Variants in SORT1 observed in about 807,000 individuals in gnomAD.
SORT1 encodes sortilin.
Under a neutral mutation model 101.7 loss-of-function variants are expected in SORT1, and 39 were observed. That is an observed-to-expected ratio of 0.38 (90% confidence interval 0.30 to 0.50). The LOEUF (loss-of-function observed/expected upper bound fraction) is 0.50, where lower values mean the gene tolerates loss of function less well. Ranked by LOEUF, SORT1 falls within the 20% of genes least tolerant of loss-of-function variation. The pLI is 0.90. For missense variants in SORT1, 878 were observed against 1,040.4 expected, an observed-to-expected ratio of 0.84 and a Z score of 2.15; for synonymous variants, 396 against 393.7, an observed-to-expected ratio of 1.01 and a Z score of -0.07.
chr1:109,396,672 C>T (rs940043536), intron 1 of SORT1, among the ~76,000 whole-genome samples: 2 of 152,198 alleles, frequency 1.3e-5, no homozygotes, highest in African/African-American at 4.8e-5. Flanking sequence ...CCTTGGCCAC[C>T]CATCTCTGCC....
Position 109,345,828 on chromosome 1 carries a change from A to T in SORT1, c.886T>A (p.Phe296Ile). 2 of 1,613,712 alleles carry T rather than the reference A, an allele frequency of 1.2e-6. No individual in the cohort carries two copies. The change falls in exon 8 of 20, where the codon TTC becomes ATC. Residue 296 changes from phenylalanine (F) to isoleucine (I), a missense_variant. Phe to Ile is a conservative substitution (Grantham distance 21). Transcript: ENST00000256637. ...TAGATTTTCACACCAATAGTTTTGA[A>T]GCTTTTTCCCAAGTCTGAAGTTCTC... ...LWRTSDLGKS[F>I]KTIGVKIYSF...
chr1:109,337,321 A>G (rs998459347), intron 10 of SORT1, among the ~76,000 whole-genome samples: 3 of 152,048 alleles, frequency 2.0e-5, no homozygotes, highest in Non-Finnish European at 4.4e-5. Flanking sequence ...ATCTCAGCTC[A>G]CTGCAACCTC....
chr1:109,354,338 G>C, intron 5 of SORT1, 29 bp downstream of exon 5: 1 of 1,591,130 alleles, frequency 6.3e-7, no homozygotes, highest in Non-Finnish European at 8.6e-7. Flanking sequence ...AAATGCAAAA[G>C]GCAAACCATG....
In SORT1 at chr1:109,334,078, G is replaced by A. The variant is rs549876281; in HGVS notation, c.1371+2162C>T. Among the ~76,000 whole-genome samples the A allele has an allele frequency of 5.3e-5, 8 of 152,194 alleles. No individual in the cohort carries two copies. In the East Asian group the frequency reaches 5.8e-4, roughly 11 times the overall value. On this transcript the variant is annotated intron_variant, in intron 11 of 19. Coordinates refer to ENST00000256637, the MANE Select transcript of SORT1 (RefSeq NM_002959.7). ...GGAGAATCACCTGAACCCGGGAGGC[G>A]GAGGTTGAAGTGAGCCAAGATCGTG...
intron 15 of SORT1, among the ~76,000 whole-genome samples, chr1:109,319,890 A>G (rs905670678): frequency 1.3e-5 from 2 of 151,946 alleles, no homozygotes; most frequent in Non-Finnish European, 2.9e-5. Context: ...AGAAAAGAAA[A>G]GAAAATGAGT....
chr1:109,396,030 G>A (rs1653160991), intron 1 of SORT1, among the ~76,000 whole-genome samples: 1 of 152,052 alleles, frequency 6.6e-6, no homozygotes, highest in Non-Finnish European at 1.5e-5. Flanking sequence ...GCTGCAGTGA[G>A]CTGTGATCAC....
chr1:109,345,722 G>A, intron 8 of SORT1, 29 bp downstream of exon 8: 1 of 1,581,362 alleles, frequency 6.3e-7, no homozygotes, highest in Non-Finnish European at 8.6e-7. Context: ...AGAAATATCA[G>A]ACCCCAAAGG....
At chr1:109,355,656 C>CCCCG (rs1321675043) in intron 3 of SORT1, among the ~76,000 whole-genome samples, 187 bp from the exon 4 acceptor site, 5 of 129,308 alleles carry the variant, frequency 3.9e-5, no homozygotes, top group African/African-American at 1.6e-4. Context: ...CCCCCCCCCC[C>CCCCG]ACAAACCCAC....
intron 4 of SORT1, 87 bp from the exon 5 acceptor site, chr1:109,354,618 G>A: frequency 1.0e-6 from 1 of 997,354 alleles, no homozygotes; most frequent in Non-Finnish European, 1.5e-6. Context: ...CCAGACATTA[G>A]TTAAGAAATT....
chr1:109,374,294 A>C (rs544146506), intron 1 of SORT1, among the ~76,000 whole-genome samples: 1 of 152,164 alleles, frequency 6.6e-6, no homozygotes, highest in African/African-American at 2.4e-5. Flanking sequence ...AAATTTTTTA[A>C]AGACCCAGTG....
At position 109,323,113 on chromosome 1, in the gene SORT1, T is replaced by C. The variant is rs763585663; in HGVS notation, c.1843A>G (p.Lys615Glu). 6.2e-7 allele frequency: 1 copy of C among 1,613,274 alleles called. No individual in the cohort carries two copies. The highest frequency in any genetic ancestry group is 8.5e-7 in the Non-Finnish European group (1 of 1,179,266). Residue 615 changes from lysine to glutamate, a missense_variant, in exon 15 of 20, where the codon AAG becomes GAG. Physicochemically the swap from Lys to Glu is moderately conservative, Grantham distance 56. Transcript: ENST00000256637. ...KDILERNCEEKDYTIWLAHST... is the reference protein window; with the variant it reads ...KDILERNCEEEDYTIWLAHST... Reference sequence around the variant, plus strand: ...TGTGCCAGCCATATGGTATAGTCCTTCTCTTCACCTAAAGGAGAGACACAC... The same window carrying C: ...TGTGCCAGCCATATGGTATAGTCCTCCTCTTCACCTAAAGGAGAGACACAC...
At chr1:109,334,324 A>G (rs1648664985) in intron 11 of SORT1, among the ~76,000 whole-genome samples, 1 of 152,216 alleles carries the variant, frequency 6.6e-6, no homozygotes, top group African/African-American at 2.4e-5. Context: ...AGATGGATGA[A>G]TGGACAAAGA....
chr1:109,383,269 A>C (rs984022690), intron 1 of SORT1, among the ~76,000 whole-genome samples: 5 of 152,206 alleles, frequency 3.3e-5, no homozygotes, highest in Non-Finnish European at 1.5e-5. Context: ...CAAGCAAAGA[A>C]GGAAGTGAAT....
Position 109,327,051 on chromosome 1 carries a change from C to T in SORT1, c.1584G>A (p.Leu528=). 1 of 1,612,918 alleles carries T rather than the reference C, an allele frequency of 6.2e-7. No individual in the cohort carries two copies. Among genetic ancestry groups the T allele is most frequent in the Admixed American group, 1.7e-5 (1 of 60,016 alleles). The change falls in exon 13 of 20, where the codon CTG becomes CTA. Residue 528 remains leucine, a synonymous_variant. Transcript: ENST00000256637. ...TGGCCACAATGATGCCTCCAGAATC[C>T]AGGATGGTGTAATAGTGGGGTCCTT... ...MLEGPHYYTI[L]DSGGIIVAIE...
At chr1:109,317,698 G>A (rs1647322848) in intron 16 of SORT1, among the ~76,000 whole-genome samples, 155 bp downstream of exon 16, 2 of 152,140 alleles carry the variant, frequency 1.3e-5, no homozygotes, top group Admixed American at 1.3e-4. Flanking sequence ...TCCTGTAGTT[G>A]ACCCTTGAAG....
intron 1 of SORT1, among the ~76,000 whole-genome samples, chr1:109,383,551 G>T (rs1652389867): frequency 6.6e-6 from 1 of 152,196 alleles, no homozygotes; most frequent in East Asian, 1.9e-4. Context: ...CATCTTATCT[G>T]TTGGGAATCC....
intron 3 of SORT1, 143 bp from the exon 4 acceptor site, chr1:109,355,612 G>C (rs1481326750): frequency 1.9e-6 from 1 of 513,274 alleles, no homozygotes; most frequent in Non-Finnish European, 3.5e-6. Flanking sequence ...TAGCTCCAGA[G>C]GTGCCCTGGT....
chr1:109,390,569 T>C (rs961526886), intron 1 of SORT1, among the ~76,000 whole-genome samples: 2 of 152,074 alleles, frequency 1.3e-5, no homozygotes, highest in East Asian at 3.8e-4. Flanking sequence ...GTATACAACA[T>C]ATTTATGTTT....
At chr1:109,377,668 G>A (rs1201649921) in intron 1 of SORT1, among the ~76,000 whole-genome samples, 1 of 152,164 alleles carries the variant, frequency 6.6e-6, no homozygotes, top group Non-Finnish European at 1.5e-5. Context: ...ACTGAGCAGG[G>A]GTAGTCTATA....
Sources: allele counts gnomAD v4.1 joint callset (sites outside exome capture counted in the v4.1 genomes callset), GRCh38; gene constraint gnomAD v4.1.1; transcripts MANE v1.5; gene names NCBI Gene and HGNC (gene_info 2026-07-23, HGNC 2026-07-21).